Variants in GLIPR2 observed in about 807,000 individuals in gnomAD.
GLIPR2 encodes Golgi-associated plant pathogenesis-related protein 1.
In GLIPR2, 21 loss-of-function variants were observed where a neutral mutation model predicts 20.4. That is an observed-to-expected ratio of 1.03 (90% CI 0.73 to 1.48). The LOEUF (loss-of-function observed/expected upper bound fraction) is 1.48. Among genes scored for constraint, GLIPR2 ranks in the 40% most tolerant of loss-of-function variants. The pLI is 0.00. For synonymous variants in GLIPR2, 91 were observed against 80.5 expected, an observed-to-expected ratio of 1.13 and a Z score of -0.70; for missense variants, 205 against 200.1, an observed-to-expected ratio of 1.02 and a Z score of -0.15.
At chr9:36,151,980 C>T (rs1825606481) in intron 4 of GLIPR2, among the ~76,000 whole-genome samples, 1 of 152,218 alleles carries the variant, frequency 6.6e-6, no homozygotes, top group Non-Finnish European at 1.5e-5. Context: ...GGCCTTCCAC[C>T]CTCTAGAGGG....
At chr9:36,140,295 C>A (rs978129983) in intron 1 of GLIPR2, among the ~76,000 whole-genome samples, 1 of 152,178 alleles carries the variant, frequency 6.6e-6, no homozygotes, top group Non-Finnish European at 1.5e-5. Flanking sequence ...CTTTAGGGAC[C>A]AACGAGCCCA....
chr9:36,156,008 G>A (rs1051544682), intron 4 of GLIPR2, among the ~76,000 whole-genome samples: 1 of 152,056 alleles, frequency 6.6e-6, no homozygotes, highest in Admixed American at 6.5e-5. Flanking sequence ...TTGGGAGTTC[G>A]AGACCAGCCT....
chr9:36,147,570 G>A (rs1255332499), intron 1 of GLIPR2, among the ~76,000 whole-genome samples: 2 of 152,206 alleles, frequency 1.3e-5, no homozygotes, highest in Admixed American at 6.5e-5. Flanking sequence ...ATGATCCACG[G>A]GCTTTAGATG....
At chr9:36,160,552 GAGA>G (rs754240096) in intron 4 of GLIPR2, among the ~76,000 whole-genome samples, 45 of 151,966 alleles carry the variant, frequency 3.0e-4, no homozygotes, top group Non-Finnish European at 5.4e-4. Flanking sequence ...GAAGAAAAAA[GAGA>G]AGAAGAAAGA....
At chr9:36,160,808 G>A (rs538675793) in intron 4 of GLIPR2, among the ~76,000 whole-genome samples, 209 of 152,272 alleles carry the variant, frequency 1.4e-3, no homozygotes, top group Non-Finnish European at 2.5e-3. Context: ...TTGGGAGGCC[G>A]AGGTGGGCAG....
rs1826115377 is a variant in GLIPR2 at position 36,162,784 on chromosome 9, T to A, written c.*262T>A. ...ATTGGGGGGAGGGGGGATCCGTTTTTTTTTTTTAATTTTTTGTTATTTCTA... is the reference window on the plus strand; with the variant it reads ...ATTGGGGGGAGGGGGGATCCGTTTTATTTTTTTAATTTTTTGTTATTTCTA... On this transcript the variant is annotated 3_prime_UTR_variant, in exon 5 of 5. Coordinates refer to ENST00000377960, the MANE Select transcript of GLIPR2 (RefSeq NM_022343.4). 1.9e-6 allele frequency: 1 copy of A among 530,984 alleles called. No homozygotes were observed. Among genetic ancestry groups the A allele is most frequent in the African/African-American group, 1.9e-5 (1 of 51,542 alleles). 32.9% of individuals were successfully genotyped at this position (530,984 alleles called of 1,614,324 possible).
intron 3 of GLIPR2, 46 bp downstream of exon 3, chr9:36,148,696 A>G: frequency 7.6e-7 from 1 of 1,316,270 alleles, no homozygotes; most frequent in Non-Finnish European, 1.1e-6. Flanking sequence ...GAGCTGGAAG[A>G]AGGACAAGTC....
At chr9:36,147,126 A>G (rs1825363203) in intron 1 of GLIPR2, among the ~76,000 whole-genome samples, 1 of 152,090 alleles carries the variant, frequency 6.6e-6, no homozygotes, top group African/African-American at 2.4e-5. Context: ...TGCTTTACCA[A>G]TTCTCGAGGT....
chr9:36,152,025 G>A (rs1370365708), intron 4 of GLIPR2, among the ~76,000 whole-genome samples: 2 of 152,292 alleles, frequency 1.3e-5, no homozygotes, highest in South Asian at 2.1e-4. Context: ...CGTTCTCAGC[G>A]CCAGTCACCG....
At position 36,162,831 on chromosome 9, in the gene GLIPR2, T is replaced by G; in HGVS notation, c.*309T>G. On this transcript the variant is annotated 3_prime_UTR_variant, in exon 5 of 5. Transcript: ENST00000377960. ...TCTAAGCAAACCTCTTTTGTACTTTTCTTACTTCTAATATCCATCCCTGGA... is the reference window on the plus strand; with the variant it reads ...TCTAAGCAAACCTCTTTTGTACTTTGCTTACTTCTAATATCCATCCCTGGA... The G allele has an allele frequency of 2.1e-6, 1 of 473,116 alleles. No individual in the cohort carries two copies. Among genetic ancestry groups the G allele is most frequent in the Non-Finnish European group, 4.0e-6 (1 of 251,256 alleles). The allele number at this position is 473,116 out of a possible 1,614,324, so 29.3% of individuals were successfully genotyped here.
intron 4 of GLIPR2, among the ~76,000 whole-genome samples, chr9:36,151,786 T>C (rs1825598940): frequency 6.6e-6 from 1 of 152,098 alleles, no homozygotes; most frequent in African/African-American, 2.4e-5. Flanking sequence ...CCCCCTGCCT[T>C]TTGCTGGGCT....
intron 4 of GLIPR2, among the ~76,000 whole-genome samples, chr9:36,160,767 A>G (rs993164448): frequency 1.3e-5 from 2 of 152,138 alleles, no homozygotes; most frequent in Non-Finnish European, 2.9e-5. Flanking sequence ...ACTAAGTAGA[A>G]AATGAGGCTC....
In GLIPR2 at chr9:36,162,180, A is replaced by AG. The variant is rs1826084333; in HGVS notation, c.305-182_305-181insG. The AG allele has an allele frequency of 9.2e-6, 12 of 1,306,012 alleles. 1 individual carries two copies. Among genetic ancestry groups the AG allele is most frequent in the Middle Eastern group, 2.8e-4 (1 of 3,604 alleles). 80.9% of individuals were successfully genotyped at this position (1,306,012 alleles called of 1,614,324 possible). On this transcript the variant is annotated intron_variant, in intron 4 of 4. Transcript: ENST00000377960. ...ACAGAGCGAGACTCCATCTTGGGGG[A>AG]AAAAAAAAGAAGTCAGGCAGTCAGA...
At chr9:36,145,941 ACCT>A (rs1294331422) in intron 1 of GLIPR2, among the ~76,000 whole-genome samples, 1 of 151,950 alleles carries the variant, frequency 6.6e-6, no homozygotes, top group Non-Finnish European at 1.5e-5. Flanking sequence ...TGAGATCATG[ACCT>A]AATTGGGCAT....
At chr9:36,147,699 A>AAGG in intron 1 of GLIPR2, 87 bp from the exon 2 acceptor site, 1 of 754,512 alleles carries the variant, frequency 1.3e-6, no homozygotes, top group South Asian at 1.4e-5. Flanking sequence ...CTAAGGTTTG[A>AAGG]GCTGGGTGTT....
chr9:36,138,264 G>C (rs941502133), intron 1 of GLIPR2, among the ~76,000 whole-genome samples: 6 of 151,136 alleles, frequency 4.0e-5, no homozygotes, highest in Admixed American at 1.3e-4. Context: ...TCCTTCTGTT[G>C]CCCAGGCTGG....
Position 36,150,867 on chromosome 9 carries a change from C to T in GLIPR2, c.227-5C>T, listed in dbSNP as rs1446464648. 6.2e-7 allele frequency: 1 copy of T among 1,605,412 alleles called. No individual in the cohort carries two copies. Among genetic ancestry groups the T allele is most frequent in the Non-Finnish European group, 8.5e-7 (1 of 1,173,096 alleles). On this transcript the variant is annotated splice_polypyrimidine_tract_variant and splice_region_variant and intron_variant, in intron 3 of 4. Transcript: ENST00000377960. ...GAGTTTTAGAACAATGTCATTTCCA[C>T]ACAGGAAAGGAGGTGGCTGATAGAT...
At chr9:36,153,005 G>A (rs1011047626) in intron 4 of GLIPR2, among the ~76,000 whole-genome samples, 11 of 130,066 alleles carry the variant, frequency 8.5e-5, no homozygotes, top group Non-Finnish European at 1.4e-4. Flanking sequence ...ACAGGTGTCT[G>A]TAATCCCAGC....
At position 36,136,775 on chromosome 9, in the gene GLIPR2, G is replaced by A. The variant is rs965040394; in HGVS notation, c.-4G>A. 1.5e-6 allele frequency: 2 copies of A among 1,297,744 alleles called. No individual in the cohort carries two copies. The highest frequency in any genetic ancestry group is 9.7e-7 in the Non-Finnish European group (1 of 1,025,662). 80.4% of individuals were successfully genotyped at this position (1,297,744 alleles called of 1,614,324 possible). A position where few individuals can be genotyped will look rare whatever the true frequency, so the allele number is the denominator to read the frequency against. On this transcript the variant is annotated 5_prime_UTR_variant, in exon 1 of 5. Coordinates refer to ENST00000377960, the MANE Select transcript of GLIPR2 (RefSeq NM_022343.4). The surrounding 1 kb of genome is among the most constrained non-coding windows in gnomAD (Gnocchi z 4.3). ...CGGGGAGCGAGGAGCGCGCGGAGCC[G>A]GCCATGGGCAAGTCAGGTGAGCCCG...
Sources: allele counts gnomAD v4.1 joint callset (sites outside exome capture counted in the v4.1 genomes callset), GRCh38; gene constraint gnomAD v4.1.1; non-coding constraint Gnocchi (gnomAD v3.1); transcripts MANE v1.5; gene names NCBI Gene and HGNC (gene_info 2026-07-23, HGNC 2026-07-21).